The following MAP3K7CL variants were observed in gnomAD, a reference collection of about 807,000 sequenced individuals.
MAP3K7CL encodes MAP3K7 C-terminal-like protein.
MAP3K7CL carries 16 observed loss-of-function variants against 18.6 expected under a neutral mutation model. The ratio of observed to expected loss-of-function variants is 0.86; its 90% CI spans 0.58 to 1.31. MAP3K7CL has a LOEUF of 1.31. MAP3K7CL is among the 50% of genes most tolerant of loss of function. MAP3K7CL has a pLI of 0.00. For missense variants in MAP3K7CL, 163 were observed against 174.4 expected (o/e 0.93, Z 0.37); for synonymous variants, 65 against 66.8 (o/e 0.97, Z 0.13).
intron 3 of MAP3K7CL, among the ~76,000 whole-genome samples, chr21:29,152,644 G>A (rs905657085): frequency 3.9e-5 from 6 of 151,988 alleles, no homozygotes; most frequent in African/African-American, 1.5e-4. Context: ...GCAAAACCTC[G>A]GATTTAAATC....
intron 2 of MAP3K7CL, among the ~76,000 whole-genome samples, chr21:29,143,077 A>G (rs1356253074): frequency 6.6e-6 from 1 of 152,256 alleles, no homozygotes; most frequent in East Asian, 1.9e-4. Context: ...TTTACAGGAC[A>G]CCAGCACTCA....
At position 29,101,358 on chromosome 21, in the gene MAP3K7CL, T is replaced by C. The variant is rs997908790; in HGVS notation, c.370+8777T>C. Among the ~76,000 whole-genome samples the C allele has an allele frequency of 5.9e-5, 9 of 152,330 alleles. 1 individual carries two copies. The highest frequency in any genetic ancestry group is 6.5e-5 in the Admixed American group (1 of 15,300). On this transcript the variant is annotated intron_variant, in intron 4 of 6. Coordinates refer to the MAP3K7CL transcript ENST00000286791. ...AATGTCACCCACACAGATTATTGGA[T>C]CAATGTTCACCTGAAGGCTTTGTTC... is the stretch of plus-strand genomic sequence containing the variant.
At chr21:29,171,119 G>C (rs1309468335) in intron 4 of MAP3K7CL, among the ~76,000 whole-genome samples, 2 of 152,020 alleles carry the variant, frequency 1.3e-5, no homozygotes, top group African/African-American at 4.8e-5. Context: ...ACTCTTATTA[G>C]CTGTGTGACT....
At chr21:29,098,225 A>T (rs1455695812) in intron 4 of MAP3K7CL, among the ~76,000 whole-genome samples, 1 of 152,150 alleles carries the variant, frequency 6.6e-6, no homozygotes, top group African/African-American at 2.4e-5. Context: ...GAAATAAGCT[A>T]AATAAAATTT....
upstream of MAP3K7CL, among the ~76,000 whole-genome samples, chr21:29,083,237 A>C (rs2085866429): frequency 1.3e-5 from 2 of 152,204 alleles, no homozygotes. Flanking sequence ...TTCCTTATCC[A>C]ATCCTTATCA....
At chr21:29,172,241 C>CTTTTTTTTTTTTT (rs35612617) in intron 4 of MAP3K7CL, among the ~76,000 whole-genome samples, 21 of 126,284 alleles carry the variant, frequency 1.7e-4, no homozygotes, top group Non-Finnish European at 2.3e-4. Context: ...TTGTCATTTT[C>CTTTTTTTTTTTTT]TTTTTTTTTT....
chr21:29,174,612 C>G, intron 4 of MAP3K7CL, 100 bp from the exon 5 acceptor site: 1 of 1,388,364 alleles, frequency 7.2e-7, no homozygotes, highest in Non-Finnish European at 9.8e-7. Flanking sequence ...TTCAGAACAG[C>G]AGAATGAATC....
chr21:29,085,679 C>T (rs762856485), upstream of MAP3K7CL: 6 of 454,486 alleles, frequency 1.3e-5, no homozygotes, highest in Non-Finnish European at 2.3e-5. Context: ...AAACCTCGTT[C>T]TCCCCAATAT....
At chr21:29,100,793 A>G (rs1451409531) in intron 4 of MAP3K7CL, among the ~76,000 whole-genome samples, 1 of 140,312 alleles carries the variant, frequency 7.1e-6, no homozygotes, top group East Asian at 2.1e-4. Context: ...GCTCACTGCA[A>G]GCTCCACCTC....
chr21:29,136,596 C>T (rs924931353), intron 2 of MAP3K7CL, among the ~76,000 whole-genome samples: 1 of 151,894 alleles, frequency 6.6e-6, no homozygotes, highest in Non-Finnish European at 1.5e-5. Context: ...GCAATATTGG[C>T]TCACCGCGAC....
chr21:29,171,827 A>C (rs889834623), intron 4 of MAP3K7CL, among the ~76,000 whole-genome samples: 9 of 139,774 alleles, frequency 6.4e-5, no homozygotes, highest in East Asian at 2.1e-4. Flanking sequence ...AAAAAAAAAA[A>C]AACAACACTC....
chr21:29,172,637 A>G (rs553074156), intron 4 of MAP3K7CL, among the ~76,000 whole-genome samples: 3 of 152,286 alleles, frequency 2.0e-5, no homozygotes, highest in Non-Finnish European at 2.9e-5. Flanking sequence ...TTTATAATGT[A>G]TGTAATATAT....
At chr21:29,090,505 C>T (rs1472907937) in intron 1 of MAP3K7CL, among the ~76,000 whole-genome samples, 4 of 152,088 alleles carry the variant, frequency 2.6e-5, no homozygotes, top group South Asian at 2.1e-4. Flanking sequence ...CTCAGCCTCC[C>T]GAGTAGCTGG....
chr21:29,123,744 G>A (rs997647071), intron 4 of MAP3K7CL, among the ~76,000 whole-genome samples: 1 of 152,200 alleles, frequency 6.6e-6, no homozygotes, highest in African/African-American at 2.4e-5. Flanking sequence ...AATTACTGTG[G>A]TGGTGGTTGT....
At chr21:29,132,127 GT>G (rs2086791775) in intron 1 of MAP3K7CL, among the ~76,000 whole-genome samples, 1 of 152,196 alleles carries the variant, frequency 6.6e-6, no homozygotes, top group Non-Finnish European at 1.5e-5. Context: ...TTAAATATAT[GT>G]TTTTAAATAA....
intron 4 of MAP3K7CL, among the ~76,000 whole-genome samples, chr21:29,107,172 C>T (rs1003993804): frequency 2.0e-5 from 3 of 152,022 alleles, no homozygotes; most frequent in East Asian, 3.9e-4. Flanking sequence ...AAAAATTAGT[C>T]GGGCATGGTG....
chr21:29,103,186 A>T (rs1431847592), intron 4 of MAP3K7CL, among the ~76,000 whole-genome samples: 3 of 152,240 alleles, frequency 2.0e-5, no homozygotes. Flanking sequence ...CTGTTGGTTT[A>T]TATAGTGTCT....
In MAP3K7CL at chr21:29,133,365, A is replaced by G. The variant is rs556306200; in HGVS notation, c.21A>G (p.Val7=). ...CCCACATGATCAGCACAGCCAGGGT[A>G]CCTGCTGACAAGCCTGTACGCATCG... is the stretch of plus-strand genomic sequence containing the variant. The part of the protein sequence containing the change: MISTAR[V]PADKPVRIAF... Residue 7 remains valine (V), a synonymous_variant, in exon 2 of 5, where the codon GTA becomes GTG. Transcript: ENST00000399928. 6.4e-7 allele frequency: 1 copy of G among 1,550,500 alleles called. No individual in the cohort carries two copies. Among genetic ancestry groups the G allele is most frequent in the East Asian group, 2.4e-5 (1 of 40,922 alleles).
intron 4 of MAP3K7CL, among the ~76,000 whole-genome samples, chr21:29,120,425 CTTTG>C: frequency 6.6e-6 from 1 of 152,260 alleles, no homozygotes; most frequent in East Asian, 1.9e-4. Flanking sequence ...ATCATTGAAA[CTTTG>C]TAAGTCTCAG....
Sources: gnomAD v4.1 joint callset for allele counts (sites outside exome capture counted in the v4.1 genomes callset) on GRCh38, gnomAD v4.1.1 for gene constraint, MANE v1.5 for transcripts, NCBI Gene and HGNC (gene_info 2026-07-23, HGNC 2026-07-21) for gene names.